COL5A3: variants seen among roughly 807,000 people sequenced by gnomAD.
The protein encoded by COL5A3 is collagen type V alpha 3 chain, also known as collagen alpha-3(V) chain.
In COL5A3, 172 loss-of-function variants were observed where a neutral mutation model predicts 250.0. The ratio of observed to expected loss-of-function variants is 0.69; its 90% confidence interval spans 0.61 to 0.78. The LOEUF (loss-of-function observed/expected upper bound fraction) is 0.78. Ranked by LOEUF, COL5A3 falls within the 30% of genes least tolerant of loss-of-function variation. The pLI is 0.00. For missense variants in COL5A3, 2,340 were observed against 2,334.4 expected, an observed-to-expected ratio of 1.00 and a Z score of -0.05; for synonymous variants, 937 against 900.4, an observed-to-expected ratio of 1.04 and a Z score of -0.73.
At position 9,973,808 on chromosome 19, in the gene COL5A3, C is replaced by G. The variant is rs1228070058; in HGVS notation, c.3560G>C (p.Gly1187Ala). ...RGPQGPTGSE[G>A]TPGLPGGVGQ... is the part of the protein sequence containing the mutation. ...AACTCCTCCAGGCAGCCCTGGAGTG[C>G]CCTGGAGAGACAGCAAGGGGTAAGA... Residue 1187 changes from glycine to alanine, a missense_variant and splice_region_variant, in exon 49 of 67, where the codon GGC (glycine) becomes GCC (alanine). Around this residue, in one of 3 missense-constraint regions of COL5A3, gnomAD observed 1,179 missense variants for 1,162.6 expected, o/e 1.01. Coordinates refer to ENST00000264828, the MANE Select transcript of COL5A3 (RefSeq NM_015719.4). The G allele has an allele frequency of 6.2e-7, 1 of 1,613,964 alleles. No individual in the cohort carries two copies. The highest frequency in any genetic ancestry group is 1.7e-5 in the Admixed American group (1 of 60,014).
chr19:9,975,449 T>C (rs1241880979), intron 45 of COL5A3, among the ~76,000 whole-genome samples: 4 of 152,016 alleles, frequency 2.6e-5, no homozygotes, highest in African/African-American at 9.7e-5. Flanking sequence ...GAAGTGGGGG[T>C]TCAGAGCTGG....
chr19:9,963,784 CG>C (rs1424422346), intron 64 of COL5A3, among the ~76,000 whole-genome samples: 1 of 152,072 alleles, frequency 6.6e-6, no homozygotes, highest in Non-Finnish European at 1.5e-5. Flanking sequence ...TCTTGCACTC[CG>C]GGCCCAGTGG....
At chr19:9,973,448 C>T (rs73003459) in intron 50 of COL5A3, 122 bp downstream of exon 50, 177,936 of 974,990 alleles carry the variant, frequency 0.18, 17,406 homozygotes, top group East Asian at 0.22. Context: ...TAATCAGGGA[C>T]GGCCACAGGA....
chr19:9,965,038 G>T (rs2086720866), intron 64 of COL5A3, among the ~76,000 whole-genome samples: 2 of 151,764 alleles, frequency 1.3e-5, no homozygotes, highest in South Asian at 2.1e-4. Flanking sequence ...GACAGAGACA[G>T]ACTCTGTCTC....
Position 9,977,346 on chromosome 19 carries a change from C to T in COL5A3, c.3234+19G>A, listed in dbSNP as rs1369088540. On this transcript the variant is annotated intron_variant, in intron 43 of 66. Coordinates refer to ENST00000264828, the MANE Select transcript of COL5A3 (RefSeq NM_015719.4). Reference sequence around the variant, plus strand: ...ACCCCCATCCTCCCCTGGACCCTTCCTCTCTGTGAACCCCTCACCTTGTCC... The same window carrying T: ...ACCCCCATCCTCCCCTGGACCCTTCTTCTCTGTGAACCCCTCACCTTGTCC... The T allele has an allele frequency of 1.2e-6, 2 of 1,611,158 alleles. No individual in the cohort carries two copies. The highest frequency in any genetic ancestry group is 2.2e-5 in the East Asian group (1 of 44,840).
intron 66 of COL5A3, 26 bp from the exon 67 acceptor site, chr19:9,960,583 T>C: frequency 1.2e-6 from 2 of 1,613,684 alleles, no homozygotes; most frequent in Non-Finnish European, 1.7e-6. Context: ...ACAGAGACGG[T>C]GAGTTACCGG....
intron 35 of COL5A3, 124 bp from the exon 36 acceptor site, chr19:9,980,171 G>A: frequency 2.2e-6 from 2 of 915,546 alleles, no homozygotes; most frequent in Non-Finnish European, 3.3e-6. Flanking sequence ...GCATGGGCAG[G>A]GCATTCTCCA....
intron 33 of COL5A3, 80 bp from the exon 34 acceptor site, chr19:9,980,939 C>T (rs1176932334): frequency 7.2e-6 from 11 of 1,529,396 alleles, no homozygotes; most frequent in Non-Finnish European, 9.8e-6. Flanking sequence ...TCCAGGTCCC[C>T]TCCCCTTGTG....
intron 27 of COL5A3, among the ~76,000 whole-genome samples, chr19:9,987,330 T>C (rs1192303205): frequency 1.3e-5 from 2 of 152,242 alleles, no homozygotes; most frequent in African/African-American, 4.8e-5. Flanking sequence ...ACAATGTAAC[T>C]GAGCTTGGCT....
At position 9,982,120 on chromosome 19, in the gene COL5A3, T is replaced by A; in HGVS notation, c.2407-2A>T. On this transcript the variant is annotated splice_acceptor_variant, in intron 31 of 66. Coordinates refer to ENST00000264828, the MANE Select transcript of COL5A3 (RefSeq NM_015719.4). LOFTEE classifies it high-confidence loss of function. ...GGGACCGGGAAATCCAATAGATCCCTGAGTGGAGAGAATTAGAAAGAAGAC... is the reference window on the plus strand; with the variant it reads ...GGGACCGGGAAATCCAATAGATCCCAGAGTGGAGAGAATTAGAAAGAAGAC... The A allele has an allele frequency of 6.3e-7, 1 of 1,596,258 alleles. No individual in the cohort carries two copies. The highest frequency in any genetic ancestry group is 8.5e-7 in the Non-Finnish European group (1 of 1,171,244).
intron 21 of COL5A3, 66 bp downstream of exon 21, chr19:9,992,761 A>C (rs2087212269): frequency 1.3e-6 from 2 of 1,521,134 alleles, no homozygotes; most frequent in South Asian, 1.1e-5. Context: ...TGGGCGACAG[A>C]GCGAGACCCT....
chr19:9,991,715 G>A, intron 23 of COL5A3, 61 bp from the exon 24 acceptor site: 1 of 1,601,788 alleles, frequency 6.2e-7, no homozygotes, highest in African/African-American at 1.3e-5. Context: ...TGTGGAGGTT[G>A]GGAAGCCTGG....
chr19:9,992,474 A>G (rs904671740), intron 21 of COL5A3, among the ~76,000 whole-genome samples: 5 of 151,972 alleles, frequency 3.3e-5, no homozygotes, highest in African/African-American at 1.2e-4. Context: ...GGACATGCAG[A>G]AGGCAGAAAA....
intron 8 of COL5A3, 95 bp from the exon 9 acceptor site, chr19:9,998,244 AC>A: frequency 8.5e-7 from 1 of 1,178,170 alleles, no homozygotes; most frequent in Non-Finnish European, 1.2e-6. Context: ...ACACACACAC[AC>A]ACACACACAC....
Position 9,970,630 on chromosome 19 carries a change from C to T in COL5A3, c.3928G>A (p.Gly1310Ser), listed in dbSNP as rs1056634030. The change falls in exon 54 of 67, where the codon GGC (glycine) becomes AGC (serine). Residue 1310 changes from glycine to serine, a missense_variant. Transcript: ENST00000264828. ...GGTGGCTTATCACTTACCCTCTTGC[C>T]GGGGGGCCCGGGGGCGCCGGGCTCC... ...SGEPGAPGPP[G>S]KRGPSGHMGR... is the part of the protein sequence containing the mutation. 11 of 1,445,986 alleles carry T rather than the reference C, an allele frequency of 7.6e-6. No individual in the cohort carries two copies. The highest frequency in any genetic ancestry group is 2.9e-5 in the African/African-American group (2 of 68,680). The allele number at this position is 1,445,986 out of a possible 1,614,324, so 89.6% of individuals were successfully genotyped here. A position where few individuals can be genotyped will look rare whatever the true frequency, so the allele number is the denominator to read the frequency against.
At chr19:9,997,610 C>T (rs538956052) in intron 10 of COL5A3, among the ~76,000 whole-genome samples, 177 bp from the exon 11 acceptor site, 2 of 152,148 alleles carry the variant, frequency 1.3e-5, no homozygotes, top group East Asian at 1.9e-4. Context: ...TCGGACCCCT[C>T]TTCTTTTTTT....
rs760713244 is a variant in COL5A3, at chr19:9,996,429, T to C, written c.1422+4A>G. The C allele has an allele frequency of 6.2e-7, 1 of 1,613,610 alleles. No homozygotes were observed. Among genetic ancestry groups the C allele is most frequent in the Non-Finnish European group, 8.5e-7 (1 of 1,179,884 alleles). Reference sequence around the variant, plus strand: ...CTCCCACTATGTCCACACCTCCCACTCACCTGAGTCTGCTGCAGAACTGCC... The same window carrying C: ...CTCCCACTATGTCCACACCTCCCACCCACCTGAGTCTGCTGCAGAACTGCC... On this transcript the variant is annotated splice_donor_region_variant and intron_variant, in intron 13 of 66. Coordinates refer to ENST00000264828, the MANE Select transcript of COL5A3 (RefSeq NM_015719.4).
At position 9,986,732 on chromosome 19, in the gene COL5A3, C is replaced by G. The variant is rs1198884341; in HGVS notation, c.2172G>C (p.Gln724His). Residue 724 changes from glutamine to histidine, a missense_variant, in exon 28 of 67, where the codon CAG (glutamine) becomes CAC (histidine). Gln to His is a conservative substitution (Grantham distance 24). This residue lies in a region of COL5A3 where 1,152 missense variants were observed against 1,146.3 expected (regional missense o/e 1.00). Transcript: ENST00000264828. ...VKGTSGNRGL[Q>H]GEKGEKGEDG... The stretch of plus-strand genomic sequence containing the variant: ...TCCTCACCTTCTCGCCTTTCTCCCC[C>G]TGGAGGCCCCGGTTGCCTGAAGTGC... The G allele has an allele frequency of 6.2e-7, 1 of 1,613,214 alleles. No homozygotes were observed. Among genetic ancestry groups the G allele is most frequent in the Non-Finnish European group, 8.5e-7 (1 of 1,179,904 alleles).
intron 1 of COL5A3, among the ~76,000 whole-genome samples, chr19:10,007,678 C>T (rs943791254): frequency 6.6e-6 from 1 of 152,212 alleles, no homozygotes; most frequent in Non-Finnish European, 1.5e-5. Flanking sequence ...CTCTGCTGAT[C>T]TCACCACGGG....
Sources: gnomAD v4.1 joint callset for allele counts (sites outside exome capture counted in the v4.1 genomes callset) on GRCh38, gnomAD v4.1.1 for gene constraint, gnomAD v4.1.1 regional missense constraint, MANE v1.5 for transcripts, NCBI Gene and HGNC (gene_info 2026-07-23, HGNC 2026-07-21) for gene names.